Variants in SPPL2A observed in about 807,000 individuals in gnomAD.
SPPL2A encodes signal peptide peptidase-like 2A.
SPPL2A carries 51 observed loss-of-function variants against 63.8 expected under a neutral mutation model. The ratio of observed to expected loss-of-function variants is 0.80; its 90% CI spans 0.64 to 1.01. SPPL2A has a LOEUF of 1.01. Ranked by LOEUF, SPPL2A falls within the 50% of genes least tolerant of loss-of-function variation. SPPL2A has a pLI of 0.00. For missense variants in SPPL2A, 553 were observed against 622.7 expected (o/e 0.89, Z 1.19); for synonymous variants, 188 against 205.8 (o/e 0.91, Z 0.74).
intron 1 of SPPL2A, among the ~76,000 whole-genome samples, chr15:50,764,255 T>C: frequency 6.6e-6 from 1 of 152,254 alleles, no homozygotes; most frequent in Non-Finnish European, 1.5e-5. Flanking sequence ...ACATACTATC[T>C]GAATATCTTT....
intron 1 of SPPL2A, among the ~76,000 whole-genome samples, chr15:50,753,269 GA>G (rs2141056566): frequency 6.6e-6 from 1 of 152,266 alleles, no homozygotes; most frequent in South Asian, 2.1e-4. Flanking sequence ...TGAGCTTGAG[GA>G]AAAATGTGGA....
intron 14 of SPPL2A, among the ~76,000 whole-genome samples, chr15:50,709,828 T>G (rs1401560661): frequency 6.6e-6 from 1 of 151,946 alleles, no homozygotes; most frequent in Non-Finnish European, 1.5e-5. Context: ...AAAAACCTGC[T>G]GATACTCTAC....
intron 1 of SPPL2A, among the ~76,000 whole-genome samples, chr15:50,762,984 C>T (rs2063025834): frequency 6.7e-6 from 1 of 150,188 alleles, no homozygotes; most frequent in East Asian, 1.9e-4. Flanking sequence ...ACCTTGTGAT[C>T]CACCCACCTG....
chr15:50,712,122 G>C (rs565207528), intron 14 of SPPL2A, among the ~76,000 whole-genome samples: 22 of 152,282 alleles, frequency 1.4e-4, no homozygotes, highest in Non-Finnish European at 2.6e-4. Flanking sequence ...AGAATTTACA[G>C]CATAAAGACT....
chr15:50,741,930 C>T (rs1001855209), intron 5 of SPPL2A, among the ~76,000 whole-genome samples: 21 of 150,480 alleles, frequency 1.4e-4, no homozygotes, highest in Admixed American at 1.3e-3. Flanking sequence ...CGCATGCCAC[C>T]GCACTCCAGC....
intron 1 of SPPL2A, 80 bp downstream of exon 1, chr15:50,765,388 G>A (rs2141069450): frequency 1.8e-6 from 2 of 1,123,468 alleles, no homozygotes; most frequent in Non-Finnish European, 1.2e-6. Context: ...GCCGGGCGAG[G>A]AGTAGGGGAA....
intron 5 of SPPL2A, among the ~76,000 whole-genome samples, chr15:50,740,643 C>T (rs1201028280): frequency 6.6e-6 from 1 of 151,948 alleles, no homozygotes; most frequent in African/African-American, 2.4e-5. Flanking sequence ...CAGAGTCTTG[C>T]TCTGTTGCCG....
intron 14 of SPPL2A, among the ~76,000 whole-genome samples, chr15:50,708,682 G>A (rs779683502): frequency 3.4e-5 from 5 of 146,472 alleles, no homozygotes; most frequent in Admixed American, 2.1e-4. Flanking sequence ...CTCTAGCCTG[G>A]CAACAGAGTG....
chr15:50,753,161 G>A (rs1349163941), intron 1 of SPPL2A, among the ~76,000 whole-genome samples: 1 of 152,090 alleles, frequency 6.6e-6, no homozygotes, highest in African/African-American at 2.4e-5. Context: ...AGAAACAGAA[G>A]ATGTCCATAG....
chr15:50,724,166 C>T (rs1447213843), intron 12 of SPPL2A, among the ~76,000 whole-genome samples: 2 of 152,166 alleles, frequency 1.3e-5, no homozygotes, highest in Admixed American at 6.6e-5. Flanking sequence ...TGCAAGGCAA[C>T]GCTGCTAGCT....
chr15:50,749,454 A>AT lies in SPPL2A; in HGVS notation c.177+181dup, dbSNP rs1220255648. On this transcript the variant is annotated intron_variant, in intron 2 of 14. Coordinates refer to ENST00000261854, the MANE Select transcript of SPPL2A (RefSeq NM_032802.4). ...AGGCGCCTGCCACCACACCCAGCTA[A>AT]TTTTTGTATTTTTAGTAGAGAAGGG... Among the ~76,000 whole-genome samples the AT allele has an allele frequency of 5.3e-5, 8 of 151,984 alleles. 1 individual carries two copies. The South Asian group carries it at 6.2e-4, about 12-fold the overall frequency.
intron 10 of SPPL2A, among the ~76,000 whole-genome samples, chr15:50,727,408 T>C (rs1233850956): frequency 2.0e-5 from 3 of 152,208 alleles, no homozygotes; most frequent in Admixed American, 6.5e-5. Flanking sequence ...CAAAGGAGTT[T>C]AGGAAAATAA....
rs988670840 is a variant in SPPL2A, at chr15:50,706,261, G to C, written c.*1539C>G. On this transcript the variant is annotated 3_prime_UTR_variant, in exon 15 of 15. Transcript: ENST00000261854. Reference sequence around the variant, plus strand: ...AAAAAATAGCCGGGCGTAGTGGCGGGCGCCTGTAGTCCTAGCTACTTGGGA... The same window carrying C: ...AAAAAATAGCCGGGCGTAGTGGCGGCCGCCTGTAGTCCTAGCTACTTGGGA... 1 of 150,562 alleles carries C rather than the reference G, an allele frequency of 6.6e-6. No homozygotes were observed. Among genetic ancestry groups the C allele is most frequent in the African/African-American group, 2.4e-5 (1 of 41,088 alleles). 9.3% of individuals were successfully genotyped at this position (150,562 alleles called of 1,614,324 possible). A position where few individuals can be genotyped will look rare whatever the true frequency, so the allele number is the denominator to read the frequency against.
intron 1 of SPPL2A, among the ~76,000 whole-genome samples, chr15:50,759,841 A>G (rs1046247244): frequency 6.6e-6 from 1 of 152,114 alleles, no homozygotes; most frequent in African/African-American, 2.4e-5. Flanking sequence ...ATGACTTTCT[A>G]TGTGATCTAG....
intron 12 of SPPL2A, among the ~76,000 whole-genome samples, chr15:50,724,960 TGAA>T (rs949514299): frequency 1.3e-5 from 2 of 152,210 alleles, no homozygotes; most frequent in Non-Finnish European, 2.9e-5. Flanking sequence ...TATACTTTCT[TGAA>T]GAAGAAGGTT....
intron 6 of SPPL2A, among the ~76,000 whole-genome samples, chr15:50,738,511 T>C (rs2062792405): frequency 6.7e-6 from 1 of 149,662 alleles, no homozygotes; most frequent in Non-Finnish European, 1.5e-5. Flanking sequence ...ACTGCGCCAC[T>C]GCACTCCAGC....
chr15:50,763,628 G>A (rs1273414328), intron 1 of SPPL2A, among the ~76,000 whole-genome samples: 3 of 152,220 alleles, frequency 2.0e-5, no homozygotes, highest in African/African-American at 7.2e-5. Flanking sequence ...GCCGGGCATG[G>A]TGGCTCACGC....
chr15:50,718,224 G>A (rs1042962305), intron 14 of SPPL2A, among the ~76,000 whole-genome samples: 1 of 151,760 alleles, frequency 6.6e-6, no homozygotes, highest in Non-Finnish European at 1.5e-5. Flanking sequence ...TGATCCTCCC[G>A]CCTCAGCCTC....
intron 5 of SPPL2A, among the ~76,000 whole-genome samples, chr15:50,740,494 G>A (rs892879386): frequency 6.6e-6 from 1 of 151,160 alleles, no homozygotes; most frequent in Non-Finnish European, 1.5e-5. Context: ...TAATACTTGT[G>A]GATGTTTATA....
Sources: allele counts gnomAD v4.1 joint callset (sites outside exome capture counted in the v4.1 genomes callset), GRCh38; gene constraint gnomAD v4.1.1; transcripts MANE v1.5; gene names NCBI Gene and HGNC (gene_info 2026-07-23, HGNC 2026-07-21).